BTNL9: variants seen among roughly 807,000 people sequenced by gnomAD.
The protein encoded by BTNL9 is butyrophilin-like protein 9.
A neutral mutation model predicts 45.8 loss-of-function variants in BTNL9; 45 were observed. The ratio of observed to expected loss-of-function variants is 0.98; its 90% CI spans 0.77 to 1.26. The LOEUF is 1.26. Ranked by LOEUF, BTNL9 falls within the 50% of genes most tolerant of loss-of-function variation. The probability of loss-of-function intolerance (pLI) is 0.00; values close to 1 mark genes in which losing one functional copy is unlikely to be tolerated. For missense variants in BTNL9, 784 were observed against 729.7 expected, an observed-to-expected ratio of 1.07 and a Z score of -0.86; for synonymous variants, 346 against 330.8, an observed-to-expected ratio of 1.05 and a Z score of -0.50.
At chr5:181,054,101 G>C (rs1761741888) in intron 6 of BTNL9, 138 bp from the exon 7 acceptor site, 1 of 1,553,916 alleles carries the variant, frequency 6.4e-7, no homozygotes, top group Admixed American at 2.0e-5. Flanking sequence ...AGCCCAGCCT[G>C]GGCCCGCAGA....
In BTNL9 at chr5:181,056,025, AC is replaced by A. The variant is rs773136046; in HGVS notation, c.955+13del. Reference sequence around the variant, plus strand: ...GCTGAAGGCCAGGCTGGTGAGTGGAACCCATCTCTCTCTGACTCCTCCTCAT... The same window carrying A: ...GCTGAAGGCCAGGCTGGTGAGTGGAACCATCTCTCTCTGACTCCTCCTCAT... On this transcript the variant is annotated intron_variant, in intron 9 of 10. Coordinates refer to ENST00000327705, the MANE Select transcript of BTNL9 (RefSeq NM_152547.5). The A allele has an allele frequency of 3.7e-6, 6 of 1,613,624 alleles. No homozygotes were observed. In the South Asian group the frequency reaches 5.5e-5, roughly 15 times the overall value.
intron 7 of BTNL9, 192 bp downstream of exon 7, chr5:181,054,451 C>T: frequency 3.0e-6 from 3 of 985,438 alleles, no homozygotes; most frequent in Non-Finnish European, 3.6e-6. Context: ...GCCCGAGACC[C>T]TCTGCACAGA....
chr5:181,047,389 C>A (rs1761241468), intron 2 of BTNL9: 1 of 602,328 alleles, frequency 1.7e-6, no homozygotes, highest in East Asian at 1.4e-4. Context: ...ATTTTTGATA[C>A]CCTTTGTAGA....
In BTNL9 at chr5:181,048,208, T is replaced by C. The variant is rs774369741; in HGVS notation, c.391T>C (p.Tyr131His). The change falls in exon 3 of 11, where the codon TAT becomes CAT. Residue 131 changes from tyrosine to histidine, a missense_variant. Transcript: ENST00000327705. The stretch of plus-strand genomic sequence containing the variant: ...CATCATCCCCTCTGACAAGGGCACA[T>C]ATGGCTGCCGCTTCCACTCCGACAA... ...HSIIPSDKGTYGCRFHSDNFS... is the reference protein window; with the variant it reads ...HSIIPSDKGTHGCRFHSDNFS... The C allele has an allele frequency of 4.3e-6, 7 of 1,612,910 alleles. No homozygotes were observed. Among genetic ancestry groups the C allele is most frequent in the African/African-American group, 1.3e-5 (1 of 75,050 alleles).
In BTNL9 at chr5:181,048,273, T is replaced by A; in HGVS notation, c.454+2T>A. The A allele has an allele frequency of 6.2e-7, 1 of 1,605,792 alleles. No individual in the cohort carries two copies. On this transcript the variant is annotated splice_donor_variant, in intron 3 of 10. Coordinates refer to ENST00000327705, the MANE Select transcript of BTNL9 (RefSeq NM_152547.5). LOFTEE classifies it high-confidence loss of function. ...CTCTCTGGGAACTGGAGGTAGCAGG[T>A]GCGTGGACTGACCTAAGGCCCTGCA...
intron 2 of BTNL9, 118 bp downstream of exon 2, chr5:181,045,716 A>T (rs1761079253): frequency 1.3e-6 from 1 of 787,128 alleles, no homozygotes; most frequent in Non-Finnish European, 2.1e-6. Flanking sequence ...AATACAAAAA[A>T]GACTTCCATC....
At chr5:181,045,752 G>C (rs1226398906) in intron 2 of BTNL9, among the ~76,000 whole-genome samples, 154 bp downstream of exon 2, 2 of 151,290 alleles carry the variant, frequency 1.3e-5, no homozygotes, top group Admixed American at 6.6e-5. Context: ...CCACTACCCC[G>C]AGCATTACCC....
intron 7 of BTNL9, chr5:181,054,711 G>A: frequency 1.0e-6 from 1 of 985,374 alleles, no homozygotes; most frequent in South Asian, 4.7e-5. Flanking sequence ...GAACCCAAGG[G>A]AGGGGGAATG....
Position 181,053,696 on chromosome 5 carries a change from G to A in BTNL9, c.886+195G>A. On this transcript the variant is annotated intron_variant, in intron 6 of 10. Coordinates refer to ENST00000327705, the MANE Select transcript of BTNL9 (RefSeq NM_152547.5). This position sits in a 1 kb window ranked among gnomAD's most constrained non-coding sequence, Gnocchi z 6.5. ...TGGACAAAAGCGGAGGTGCGGAACGGCTGCATTTTCCACGGAGGCTAGTGC... is the reference window on the plus strand; with the variant it reads ...TGGACAAAAGCGGAGGTGCGGAACGACTGCATTTTCCACGGAGGCTAGTGC... 6.6e-7 allele frequency: 1 copy of A among 1,512,558 alleles called. No individual in the cohort carries two copies. The highest frequency in any genetic ancestry group is 1.3e-5 in the South Asian group (1 of 77,136). The allele number at this position is 1,512,558 out of a possible 1,614,324, so 93.7% of individuals were successfully genotyped here.
intron 3 of BTNL9, among the ~76,000 whole-genome samples, chr5:181,048,649 G>A (rs1406058308): frequency 2.7e-5 from 4 of 150,110 alleles, no homozygotes; most frequent in Admixed American, 6.7e-5. Context: ...GAGGTGGAAG[G>A]ATCTGGCTGC....
intron 9 of BTNL9, chr5:181,057,117 A>C (rs576320097): frequency 6.6e-6 from 1 of 152,306 alleles, no homozygotes; most frequent in Admixed American, 6.6e-5. Flanking sequence ...CTTTGTCCAT[A>C]GTTCCCCTTA....
intron 2 of BTNL9, 27 bp downstream of exon 2, chr5:181,045,625 A>G (rs1325088274): frequency 6.3e-7 from 1 of 1,576,950 alleles, no homozygotes; most frequent in Non-Finnish European, 8.7e-7. Context: ...CTAGCTGGCC[A>G]GGATGTGAAC....
chr5:181,048,787 T>TAG (rs1761347324), intron 3 of BTNL9, among the ~76,000 whole-genome samples: 5 of 96,820 alleles, frequency 5.2e-5, no homozygotes, highest in Non-Finnish European at 1.1e-4. Flanking sequence ...ATATATTAAT[T>TAG]ATATAGTTAT....
intron 10 of BTNL9, 130 bp downstream of exon 10, chr5:181,058,508 A>C (rs1761994147): frequency 1.6e-6 from 2 of 1,217,592 alleles, no homozygotes; most frequent in Middle Eastern, 2.0e-4. Context: ...CACACAAGAC[A>C]CACACGCACA....
At position 181,058,370 on chromosome 5, in the gene BTNL9, A is replaced by C. The variant is rs866039712; in HGVS notation, c.974A>C (p.Lys325Thr). The part of the protein sequence containing the change: ...EGQAEWRAAQ[K>T]YAVDVTLDPA... ...GTTTCAGAGTGGAGAGCAGCCCAAA[A>C]ATATGCAGGTAACTGAAGCCAGGAA... is the stretch of plus-strand genomic sequence containing the variant. Residue 325 changes from lysine to threonine, a missense_variant, in exon 10 of 11, where the codon AAA (lysine) becomes ACA (threonine). Coordinates refer to ENST00000327705, the MANE Select transcript of BTNL9 (RefSeq NM_152547.5). 3 of 1,613,982 alleles carry C rather than the reference A, an allele frequency of 1.9e-6. No individual in the cohort carries two copies. Among genetic ancestry groups the C allele is most frequent in the African/African-American group, 1.3e-5 (1 of 74,890 alleles).
chr5:181,044,039 CCT>C (rs1760948792), intron 1 of BTNL9, among the ~76,000 whole-genome samples: 1 of 152,244 alleles, frequency 6.6e-6, no homozygotes. Context: ...CCCAACCTGT[CCT>C]CTGTTTGTCC....
chr5:181,056,641 G>A lies in BTNL9; in HGVS notation c.955+626G>A, dbSNP rs759055451. ...AGTCTCAAACGTGTTGCCTTACGGCGCTGTGTGGAGATTTCTCTGGGGTAT... is the reference window on the plus strand; with the variant it reads ...AGTCTCAAACGTGTTGCCTTACGGCACTGTGTGGAGATTTCTCTGGGGTAT... On this transcript the variant is annotated intron_variant, in intron 9 of 10. Coordinates refer to ENST00000327705, the MANE Select transcript of BTNL9 (RefSeq NM_152547.5). The A allele has an allele frequency of 2.6e-4, 186 of 716,914 alleles. 1 individual carries two copies. In the Admixed American group the frequency reaches 3.5e-3, roughly 13 times the overall value. The allele number at this position is 716,914 out of a possible 1,614,324, so 44.4% of individuals were successfully genotyped here. A position where few individuals can be genotyped will look rare whatever the true frequency, so the allele number is the denominator to read the frequency against.
intron 9 of BTNL9, chr5:181,056,810 A>G (rs1761907354): frequency 1.8e-6 from 1 of 558,838 alleles, no homozygotes; most frequent in East Asian, 3.0e-5. Context: ...CAGCATTCCA[A>G]GTTTGCCAAT....
intron 3 of BTNL9, among the ~76,000 whole-genome samples, chr5:181,049,165 A>G (rs1262651131): frequency 2.6e-5 from 4 of 152,016 alleles, no homozygotes; most frequent in Non-Finnish European, 4.4e-5. Flanking sequence ...AATACTTAAG[A>G]GGACTAGCTG....
Sources: gnomAD v4.1 joint callset for allele counts (sites outside exome capture counted in the v4.1 genomes callset) on GRCh38, gnomAD v4.1.1 for gene constraint, Gnocchi (gnomAD v3.1) non-coding constraint, MANE v1.5 for transcripts, NCBI Gene and HGNC (gene_info 2026-07-23, HGNC 2026-07-21) for gene names.